Variants in GALNT14 observed in about 807,000 individuals in gnomAD.
The protein encoded by GALNT14 is polypeptide N-acetylgalactosaminyltransferase 14, also known as UDP-GalNAc:polypeptide N-acetylgalactosaminyltransferase 14.
Under a neutral mutation model 77.5 loss-of-function variants are expected in GALNT14, and 60 were observed. The ratio of observed to expected loss-of-function variants is 0.77; its 90% CI spans 0.63 to 0.96. The LOEUF (loss-of-function observed/expected upper bound fraction) is 0.96, where lower values mean the gene tolerates loss of function less well. GALNT14 is among the 40% of genes least tolerant of loss of function. GALNT14 has a pLI of 0.00. For missense variants in GALNT14, 710 were observed against 731.0 expected (o/e 0.97, Z 0.33); for synonymous variants, 280 against 281.7 (o/e 0.99, Z 0.06).
intron 6 of GALNT14, among the ~76,000 whole-genome samples, chr2:30,951,611 T>C (rs1667032311): frequency 2.0e-5 from 3 of 152,256 alleles, no homozygotes. Context: ...ATGGTAACTT[T>C]CATTATATGT....
chr2:30,950,782 G>A (rs1215256182), intron 6 of GALNT14, among the ~76,000 whole-genome samples: 1 of 152,232 alleles, frequency 6.6e-6, no homozygotes. Context: ...GAGAAGGAGC[G>A]TCGGCAGCAG....
intron 12 of GALNT14, 57 bp from the exon 13 acceptor site, chr2:30,924,320 T>C: frequency 6.3e-7 from 1 of 1,577,082 alleles, no homozygotes; most frequent in Non-Finnish European, 8.7e-7. Context: ...TTAGCAAGAC[T>C]ACCAGCTGGA....
intron 3 of GALNT14, among the ~76,000 whole-genome samples, chr2:30,963,315 C>G (rs921032663): frequency 2.0e-5 from 3 of 152,214 alleles, no homozygotes; most frequent in Admixed American, 1.3e-4. Flanking sequence ...ACGCCTGATG[C>G]CTCTGCTCTC....
chr2:31,137,204 G>A (rs1228853808), intron 1 of GALNT14, among the ~76,000 whole-genome samples: 1 of 152,208 alleles, frequency 6.6e-6, no homozygotes, highest in African/African-American at 2.4e-5. Flanking sequence ...GAGAGCCATG[G>A]GGAAGTTTTC....
intron 13 of GALNT14, among the ~76,000 whole-genome samples, chr2:30,918,040 C>T (rs1026264215): frequency 6.6e-6 from 1 of 152,224 alleles, no homozygotes; most frequent in Admixed American, 6.5e-5. Flanking sequence ...GTGCTGGGGT[C>T]TGCCTCAGTC....
At chr2:31,046,375 T>C (rs61456515) in intron 1 of GALNT14, among the ~76,000 whole-genome samples, 63,113 of 151,756 alleles carry the variant, frequency 0.42, 13,328 homozygotes, top group East Asian at 0.54. Flanking sequence ...TACAGGTGCG[T>C]GCCACCACGC....
At chr2:31,118,107 TA>T (rs755264117) in intron 1 of GALNT14, among the ~76,000 whole-genome samples, 5 of 152,166 alleles carry the variant, frequency 3.3e-5, no homozygotes, top group Admixed American at 1.3e-4. Flanking sequence ...ATTTGGTGAG[TA>T]ATTAGACGTA....
chr2:30,955,226 A>G (rs1037878949), intron 6 of GALNT14, among the ~76,000 whole-genome samples: 1 of 152,106 alleles, frequency 6.6e-6, no homozygotes, highest in South Asian at 2.1e-4. Context: ...TAGGGGATGA[A>G]GCCTGGTTAA....
At chr2:31,050,679 G>A (rs528997375) in intron 1 of GALNT14, among the ~76,000 whole-genome samples, 1 of 152,044 alleles carries the variant, frequency 6.6e-6, no homozygotes, top group Non-Finnish European at 1.5e-5. Flanking sequence ...AGATGACAAC[G>A]TCAGGGGGAA....
At chr2:30,983,597 GC>G (rs1669116584) in intron 2 of GALNT14, among the ~76,000 whole-genome samples, 1 of 152,188 alleles carries the variant, frequency 6.6e-6, no homozygotes, top group African/African-American at 2.4e-5. Context: ...TGGGTTACCT[GC>G]CCACAGGCAT....
At chr2:30,909,079 A>C (rs924055599), downstream of GALNT14, among the ~76,000 whole-genome samples, 529 of 152,162 alleles carry the variant, frequency 3.5e-3, 1 homozygote, top group African/African-American at 0.012. Context: ...TAAAGACTTA[A>C]ATGTTAGACC....
At chr2:30,942,565 C>G (rs932232136) in intron 8 of GALNT14, among the ~76,000 whole-genome samples, 4 of 152,210 alleles carry the variant, frequency 2.6e-5, no homozygotes, top group African/African-American at 4.8e-5. Flanking sequence ...GGCAAATTCA[C>G]TCATTAGCAT....
At chr2:30,901,510 T>C in the GALNT14 span, among the ~76,000 whole-genome samples, 2 of 151,112 alleles carry the variant, frequency 1.3e-5, no homozygotes, top group African/African-American at 4.9e-5. Context: ...AATATATTCA[T>C]ATATATATAA....
intron 2 of GALNT14, among the ~76,000 whole-genome samples, chr2:30,971,384 G>A (rs529969704): frequency 6.8e-4 from 104 of 152,154 alleles, no homozygotes; most frequent in African/African-American, 2.2e-3. Flanking sequence ...GGGGGACACC[G>A]AAGAGTCTCC....
intron 1 of GALNT14, among the ~76,000 whole-genome samples, chr2:31,111,002 G>A (rs1409101212): frequency 6.6e-6 from 1 of 152,194 alleles, no homozygotes; most frequent in East Asian, 1.9e-4. Context: ...CCACTTGTAA[G>A]ACAGAGTTAG....
At chr2:30,941,016 T>TA (rs1446901727) in intron 9 of GALNT14, among the ~76,000 whole-genome samples, 1 of 152,162 alleles carries the variant, frequency 6.6e-6, no homozygotes, top group African/African-American at 2.4e-5. Context: ...AAATAACTCT[T>TA]AGTGACTGAG....
intron 1 of GALNT14, among the ~76,000 whole-genome samples, chr2:31,062,377 C>A (rs963574034): frequency 1.3e-5 from 2 of 152,198 alleles, no homozygotes; most frequent in Non-Finnish European, 2.9e-5. Flanking sequence ...AATGTTCTTA[C>A]AAAGAACATG....
chr2:30,963,901 G>A (rs540821649), intron 3 of GALNT14, among the ~76,000 whole-genome samples: 188 of 152,320 alleles, frequency 1.2e-3, no homozygotes, highest in Non-Finnish European at 1.9e-3. Context: ...AGTACGATTA[G>A]TATTCTCATT....
chr2:31,031,774 C>T (rs1374306994), intron 1 of GALNT14, among the ~76,000 whole-genome samples: 1 of 152,154 alleles, frequency 6.6e-6, no homozygotes, highest in African/African-American at 2.4e-5. Flanking sequence ...ACTTTGAGTG[C>T]AGGATCTTGG....
Sources: gnomAD v4.1 joint callset for allele counts (sites outside exome capture counted in the v4.1 genomes callset) on GRCh38, gnomAD v4.1.1 for gene constraint, MANE v1.5 for transcripts, NCBI Gene and HGNC (gene_info 2026-07-23, HGNC 2026-07-21) for gene names.